The following MARCHF1 variants were observed in gnomAD, a reference collection of about 807,000 sequenced individuals.
MARCHF1 encodes the protein membrane associated ring-CH-type finger 1.
A neutral mutation model predicts 54.2 loss-of-function variants in MARCHF1; 40 were observed. The observed-to-expected ratio is 0.74, with a 90% CI of 0.57 to 0.96. The LOEUF (loss-of-function observed/expected upper bound fraction) is 0.96. Among genes scored for constraint, MARCHF1 ranks in the 40% least tolerant of loss-of-function variants. The pLI, the probability that MARCHF1 is intolerant of heterozygous loss-of-function variation, is 0.00. For missense variants in MARCHF1, 586 were observed against 656.5 expected, an observed-to-expected ratio of 0.89 and a Z score of 1.17; for synonymous variants, 236 against 236.3, an observed-to-expected ratio of 1.00 and a Z score of 0.01.
intron 3 of MARCHF1, among the ~76,000 whole-genome samples, chr4:163,859,508 T>C (rs927041632): frequency 6.6e-6 from 1 of 151,926 alleles, no homozygotes; most frequent in African/African-American, 2.4e-5. Flanking sequence ...TACAGGTGCC[T>C]GCCACCACAC....
Position 163,779,652 on chromosome 4 carries a change from C to T in MARCHF1, c.111+74369G>A, listed in dbSNP as rs115182955. 7.3e-3 allele frequency among the ~76,000 whole-genome samples: 1,103 copies of T among 152,138 alleles called. 8 individuals carry two copies. Among genetic ancestry groups the T allele is most frequent in the South Asian group, 0.03 (146 of 4,816 alleles). ...TCCAGAAAAAAAAAGTGATGGGCTTCATAGAACTTAGGAGGTCAATTTATT... is the reference window on the plus strand; with the variant it reads ...TCCAGAAAAAAAAAGTGATGGGCTTTATAGAACTTAGGAGGTCAATTTATT... On this transcript the variant is annotated intron_variant, in intron 4 of 9. Transcript: ENST00000514618.
intron 1 of MARCHF1, among the ~76,000 whole-genome samples, chr4:164,206,163 G>A (rs557162207): frequency 1.1e-4 from 16 of 152,088 alleles, no homozygotes; most frequent in East Asian, 1.9e-4. Flanking sequence ...TTGGCCAGGC[G>A]CGGTGGCTCA....
intron 4 of MARCHF1, among the ~76,000 whole-genome samples, chr4:163,729,826 T>C (rs1375015472): frequency 6.6e-6 from 1 of 152,098 alleles, no homozygotes; most frequent in East Asian, 1.9e-4. Context: ...ATGTGAGAAA[T>C]TGGTTCTGTT....
intron 2 of MARCHF1, among the ~76,000 whole-genome samples, chr4:164,022,521 T>A (rs1271254216): frequency 6.6e-6 from 1 of 152,042 alleles, no homozygotes; most frequent in South Asian, 2.1e-4. Flanking sequence ...AAGGGAAGGA[T>A]GGACAGCCCA....
At chr4:163,539,944 T>A (rs908724749) in intron 9 of MARCHF1, among the ~76,000 whole-genome samples, 1 of 152,162 alleles carries the variant, frequency 6.6e-6, no homozygotes, top group Non-Finnish European at 1.5e-5. Flanking sequence ...TTTCCTTTGG[T>A]AATAGAATGG....
chr4:164,244,316 C>T (rs535496177), intron 1 of MARCHF1, among the ~76,000 whole-genome samples: 1 of 152,184 alleles, frequency 6.6e-6, no homozygotes, highest in African/African-American at 2.4e-5. Context: ...CTCAAAACTG[C>T]GCAACTACAT....
At chr4:164,099,541 A>T (rs1337545976) in intron 2 of MARCHF1, among the ~76,000 whole-genome samples, 1 of 152,196 alleles carries the variant, frequency 6.6e-6, no homozygotes, top group Non-Finnish European at 1.5e-5. Flanking sequence ...AGCTACTCTA[A>T]CAGGACTGAT....
At chr4:164,133,246 G>A (rs1756337686) in intron 1 of MARCHF1, among the ~76,000 whole-genome samples, 1 of 152,154 alleles carries the variant, frequency 6.6e-6, no homozygotes, top group African/African-American at 2.4e-5. Flanking sequence ...TGCCCCAGTG[G>A]GGAAAACCTG....
chr4:163,966,618 G>T (rs775716504), intron 3 of MARCHF1, among the ~76,000 whole-genome samples: 3 of 152,084 alleles, frequency 2.0e-5, no homozygotes, highest in Non-Finnish European at 2.9e-5. Flanking sequence ...TAATATATTA[G>T]GGCTTTTTCC....
chr4:163,539,075 C>T (rs1399032442), intron 9 of MARCHF1, among the ~76,000 whole-genome samples: 1 of 152,050 alleles, frequency 6.6e-6, no homozygotes, highest in Non-Finnish European at 1.5e-5. Flanking sequence ...AGCTGGAGTG[C>T]AGTGGTGCGA....
At chr4:164,111,313 A>G (rs1755829199) in intron 2 of MARCHF1, among the ~76,000 whole-genome samples, 3 of 151,780 alleles carry the variant, frequency 2.0e-5, no homozygotes, top group Admixed American at 6.6e-5. Context: ...TACTGATAGC[A>G]CTGCCCTTTT....
intron 1 of MARCHF1, among the ~76,000 whole-genome samples, chr4:164,178,424 G>A (rs1730747025): frequency 6.6e-6 from 1 of 152,186 alleles, no homozygotes; most frequent in Admixed American, 6.5e-5. Context: ...GTCCAGTAAA[G>A]ATCTGGGCTC....
chr4:163,686,403 T>C (rs1461195811), intron 5 of MARCHF1, among the ~76,000 whole-genome samples: 1 of 151,042 alleles, frequency 6.6e-6, no homozygotes, highest in East Asian at 2.0e-4. Flanking sequence ...GGGAATAAGA[T>C]AAGTGGAAAG....
chr4:163,620,542 T>G (rs1214236698), intron 5 of MARCHF1, among the ~76,000 whole-genome samples: 1 of 140,488 alleles, frequency 7.1e-6, no homozygotes, highest in Non-Finnish European at 1.5e-5. Flanking sequence ...ATGAAATACA[T>G]AAGCCATAAA....
intron 2 of MARCHF1, among the ~76,000 whole-genome samples, chr4:164,100,654 T>C (rs1349203249): frequency 6.6e-6 from 1 of 152,254 alleles, no homozygotes; most frequent in Non-Finnish European, 1.5e-5. Context: ...CACATTCTCA[T>C]TAAAACCTCA....
At chr4:163,977,519 T>G (rs1234600396) in intron 3 of MARCHF1, among the ~76,000 whole-genome samples, 1 of 152,202 alleles carries the variant, frequency 6.6e-6, no homozygotes, top group Non-Finnish European at 1.5e-5. Context: ...AGAGGCTTTT[T>G]CTTAGGCCAT....
chr4:164,139,287 C>T lies in MARCHF1; in HGVS notation c.-322-27625G>A, dbSNP rs906522858. ...ACACCAGTAAAGTGGCTTCACAAAA[C>T]GGCAATATTCCATCTTTCAGTGCCC... On this transcript the variant is annotated intron_variant, in intron 1 of 9. Coordinates refer to ENST00000514618, the MANE Select transcript of MARCHF1 (RefSeq NM_001394959.1). Among the ~76,000 whole-genome samples, 62 of 152,212 alleles carry T rather than the reference C, an allele frequency of 4.1e-4. 1 individual carries two copies. Among genetic ancestry groups the T allele is most frequent in the African/African-American group, 1.3e-3 (54 of 41,522 alleles).
Position 163,949,538 on chromosome 4 carries a change from C to T in MARCHF1, c.-39+38963G>A, listed in dbSNP as rs554591068. ...CTTTCAGCCCTGCCATTCAGCGGGTCGCAAGTTCTTGTCTTGTGTCCAGAA... is the reference window on the plus strand; with the variant it reads ...CTTTCAGCCCTGCCATTCAGCGGGTTGCAAGTTCTTGTCTTGTGTCCAGAA... On this transcript the variant is annotated intron_variant, in intron 3 of 9. Transcript: ENST00000514618. Among the ~76,000 whole-genome samples, 40 of 152,312 alleles carry T rather than the reference C, an allele frequency of 2.6e-4. No homozygotes were observed. The East Asian group carries it at 7.7e-3, about 29-fold the overall frequency.
Position 163,914,555 on chromosome 4 carries a change from ATAAAAG to A in MARCHF1, c.-38-60392_-38-60387del, listed in dbSNP as rs995280612. 1.9e-3 allele frequency among the ~76,000 whole-genome samples: 290 copies of A among 152,274 alleles called. 1 individual carries two copies. The highest frequency in any genetic ancestry group is 6.5e-3 in the African/African-American group (271 of 41,572). On this transcript the variant is annotated intron_variant, in intron 3 of 9. Transcript: ENST00000514618. ...AACATTTTACTTTTGTTTAAACACA[ATAAAAG>A]TAAAAGTGATAAATATATCAGATGG...
Sources: gnomAD v4.1 joint callset for allele counts (sites outside exome capture counted in the v4.1 genomes callset) on GRCh38, gnomAD v4.1.1 for gene constraint, MANE v1.5 for transcripts, NCBI Gene and HGNC (gene_info 2026-07-23, HGNC 2026-07-21) for gene names.